Variants in PARVB observed in about 807,000 individuals in gnomAD.
The protein encoded by PARVB is parvin beta.
Under a neutral mutation model 47.0 loss-of-function variants are expected in PARVB, and 46 were observed. That is an observed-to-expected ratio of 0.98 (90% confidence interval 0.77 to 1.25). The LOEUF is 1.25. Among genes scored for constraint, PARVB ranks in the 50% most tolerant of loss-of-function variants. The probability of loss-of-function intolerance (pLI) is 0.00; values close to 1 mark genes in which losing one functional copy is unlikely to be tolerated. For missense variants in PARVB, 473 were observed against 471.6 expected, an observed-to-expected ratio of 1.00 and a Z score of -0.03; for synonymous variants, 196 against 196.3, an observed-to-expected ratio of 1.00 and a Z score of 0.01.
At chr22:44,042,079 A>G (rs548472454) in intron 1 of PARVB, among the ~76,000 whole-genome samples, 3 of 152,230 alleles carry the variant, frequency 2.0e-5, no homozygotes, top group South Asian at 4.1e-4. Context: ...AGACGAAATA[A>G]TAAACATACA....
chr22:44,126,949 A>G (rs2053198341), intron 4 of PARVB, among the ~76,000 whole-genome samples: 1 of 152,180 alleles, frequency 6.6e-6, no homozygotes, highest in Admixed American at 6.5e-5. Context: ...TGCCTTCTAT[A>G]GAGCAGAATT....
chr22:44,163,478 C>G (rs766943590), intron 11 of PARVB, among the ~76,000 whole-genome samples: 1 of 152,052 alleles, frequency 6.6e-6, no homozygotes, highest in Non-Finnish European at 1.5e-5. Context: ...TCTCAAAAAA[C>G]GTAAATAAAT....
At chr22:44,066,419 C>A (rs576685586) in intron 1 of PARVB, among the ~76,000 whole-genome samples, 7 of 152,192 alleles carry the variant, frequency 4.6e-5, no homozygotes, top group South Asian at 2.1e-4. Context: ...TTGTAACTTA[C>A]GTTTGGCTCA....
At chr22:44,008,926 T>A (rs2050495394) in intron 2 of PARVB, among the ~76,000 whole-genome samples, 1 of 152,092 alleles carries the variant, frequency 6.6e-6, no homozygotes. Context: ...GAGGCAGAGC[T>A]TGCAGTGAGC....
At chr22:44,021,098 T>C (rs1027385678), upstream of PARVB, among the ~76,000 whole-genome samples, 1 of 152,228 alleles carries the variant, frequency 6.6e-6, no homozygotes, top group African/African-American at 2.4e-5. Flanking sequence ...TTTGGGTTTT[T>C]ATGGAGCCTT....
At chr22:44,017,385 T>G (rs2050594798) in intron 2 of PARVB, among the ~76,000 whole-genome samples, 1 of 152,214 alleles carries the variant, frequency 6.6e-6, no homozygotes, top group Admixed American at 6.5e-5. Context: ...GATTTCTTAG[T>G]AGCGAGTACC....
intron 10 of PARVB, among the ~76,000 whole-genome samples, chr22:44,154,301 AT>A (rs2053872073): frequency 6.6e-6 from 1 of 152,162 alleles, no homozygotes; most frequent in African/African-American, 2.4e-5. Context: ...AAATGCAGGG[AT>A]TTTTGTTTTG....
intron 12 of PARVB, among the ~76,000 whole-genome samples, chr22:44,165,563 C>T (rs2054149327): frequency 6.6e-6 from 1 of 152,232 alleles, no homozygotes; most frequent in Non-Finnish European, 1.5e-5. Flanking sequence ...CTTTGCCTCT[C>T]CCCAGCTGTG....
chr22:44,061,431 AAAAACAAAACAAAACAAAAC>A (rs137915447), intron 1 of PARVB, among the ~76,000 whole-genome samples: 2 of 149,946 alleles, frequency 1.3e-5, no homozygotes, highest in Non-Finnish European at 3.0e-5. Context: ...ACTTCATCTC[AAAAACAAAACAAAACAAAAC>A]AAAACAAAAC....
chr22:44,024,097 T>C (rs980154468), upstream of PARVB, among the ~76,000 whole-genome samples: 2 of 152,106 alleles, frequency 1.3e-5, no homozygotes, highest in African/African-American at 4.8e-5. Flanking sequence ...GGGAAAAGGC[T>C]GCGCCGCTCC....
chr22:44,118,004 T>C (rs1477275028), intron 3 of PARVB, among the ~76,000 whole-genome samples: 1 of 152,182 alleles, frequency 6.6e-6, no homozygotes, highest in African/African-American at 2.4e-5. Context: ...CCTTCTGAAG[T>C]GTATCACCCG....
intron 1 of PARVB, among the ~76,000 whole-genome samples, chr22:44,063,029 A>C (rs1424031675): frequency 6.6e-6 from 1 of 152,168 alleles, no homozygotes; most frequent in Non-Finnish European, 1.5e-5. Flanking sequence ...CCCAGGAGCC[A>C]CCAAGAGTCA....
At chr22:44,097,035 C>A (rs2052325016) in intron 2 of PARVB, among the ~76,000 whole-genome samples, 1 of 152,098 alleles carries the variant, frequency 6.6e-6, no homozygotes, top group African/African-American at 2.4e-5. Context: ...GGACTGTGGG[C>A]TCCTCGAGGG....
At chr22:44,059,605 C>T (rs1023145104) in intron 1 of PARVB, among the ~76,000 whole-genome samples, 2 of 152,162 alleles carry the variant, frequency 1.3e-5, no homozygotes, top group African/African-American at 4.8e-5. Context: ...AAGTAGAAGG[C>T]ACCGGTATGG....
chr22:44,039,131 C>T (rs568137142), intron 1 of PARVB, among the ~76,000 whole-genome samples: 1 of 152,182 alleles, frequency 6.6e-6, no homozygotes, highest in African/African-American at 2.4e-5. Flanking sequence ...CTCACTCAGG[C>T]TGGAGGGATG....
chr22:44,005,910 T>C (rs1196067133), intron 2 of PARVB, among the ~76,000 whole-genome samples: 1 of 152,206 alleles, frequency 6.6e-6, no homozygotes, highest in Non-Finnish European at 1.5e-5. Context: ...TGTGCTTCCG[T>C]TGCTTCATTC....
At chr22:44,009,397 T>TAATCAGTTTTGA (rs201632982) in intron 2 of PARVB, 1 of 152,228 alleles carries the variant, frequency 6.6e-6, no homozygotes, top group Admixed American at 6.5e-5. Context: ...AAATGTATTC[T>TAATCAGTTTTGA]AATCAGTTTT....
intron 4 of PARVB, among the ~76,000 whole-genome samples, chr22:44,124,167 A>C (rs1186600223): frequency 6.6e-6 from 1 of 152,184 alleles, no homozygotes; most frequent in Non-Finnish European, 1.5e-5. Flanking sequence ...CAGATAGATG[A>C]GTATTGTTTG....
chr22:44,021,149 G>A (rs2146869666), upstream of PARVB, among the ~76,000 whole-genome samples: 1 of 152,304 alleles, frequency 6.6e-6, no homozygotes, highest in South Asian at 2.1e-4. Flanking sequence ...CCATGTCGAA[G>A]TGTGATTGGA....
Sources: gnomAD v4.1 joint callset for allele counts (sites outside exome capture counted in the v4.1 genomes callset) on GRCh38, gnomAD v4.1.1 for gene constraint, MANE v1.5 for transcripts, NCBI Gene and HGNC (gene_info 2026-07-23, HGNC 2026-07-21) for gene names.